The following HTR2C variants were observed in gnomAD, a reference collection of about 807,000 sequenced individuals.
HTR2C encodes 5-hydroxytryptamine (serotonin) receptor 2C, G protein-coupled.
In HTR2C, 5 loss-of-function variants were observed where a neutral mutation model predicts 21.0. The observed-to-expected ratio is 0.24, with a 90% CI of 0.12 to 0.50. The LOEUF (loss-of-function observed/expected upper bound fraction) is 0.50. HTR2C is among the 20% of genes least tolerant of loss of function. The probability of loss-of-function intolerance (pLI) is 0.98; values close to 1 mark genes in which losing one functional copy is unlikely to be tolerated. For synonymous variants in HTR2C, 150 were observed against 145.3 expected (o/e 1.03, Z -0.23); for missense variants, 271 against 371.2 (o/e 0.73, Z 2.22).
chrX:114,886,925 A>G (rs1556481702), intron 5 of HTR2C, among the ~76,000 whole-genome samples: 1 of 111,458 alleles, frequency 9.0e-6, no homozygotes, highest in African/African-American at 3.3e-5. Flanking sequence ...TTACATTTCT[A>G]TAAGGTATAT....
chrX:114,711,570 A>G (rs1221429728), intron 2 of HTR2C, among the ~76,000 whole-genome samples: 1 of 111,863 alleles, frequency 8.9e-6, no homozygotes, highest in Non-Finnish European at 1.9e-5. Context: ...ATAGAACATT[A>G]CCAAGCACAT....
chrX:114,771,547 A>G (rs985787782), intron 4 of HTR2C, among the ~76,000 whole-genome samples: 14 of 93,828 alleles, frequency 1.5e-4, no homozygotes, highest in African/African-American at 5.1e-4. Flanking sequence ...CGAGTCCAGC[A>G]TCAAAGGTAG....
intron 1 of HTR2C, among the ~76,000 whole-genome samples, chrX:114,593,468 A>G (rs782195447): frequency 9.6e-4 from 107 of 111,642 alleles, no homozygotes; most frequent in Non-Finnish European, 1.4e-3. Context: ...TAAAGGTTTT[A>G]CATGCATCAC....
intron 5 of HTR2C, among the ~76,000 whole-genome samples, chrX:114,885,135 T>C (rs1375468641): frequency 8.1e-5 from 9 of 111,417 alleles, no homozygotes; most frequent in Non-Finnish European, 1.5e-4. Flanking sequence ...GACATGAGTT[T>C]ACCTATATAA....
chrX:114,723,610 G>A (rs1376197072), intron 2 of HTR2C, among the ~76,000 whole-genome samples: 1 of 107,356 alleles, frequency 9.3e-6, no homozygotes, highest in Non-Finnish European at 1.9e-5. Context: ...GTGATGTTAG[G>A]GTGTCAATTT....
intron 5 of HTR2C, among the ~76,000 whole-genome samples, chrX:114,873,717 G>GT (rs1248623138): frequency 5.4e-5 from 6 of 111,391 alleles, no homozygotes; most frequent in African/African-American, 1.6e-4. Context: ...TTTGATAAAT[G>GT]TATAGATCAT....
rs186161389 is a variant in HTR2C at position 114,801,323 on chromosome X, T to C, written c.350-46680T>C. On this transcript the variant is annotated intron_variant, in intron 4 of 5. Transcript: ENST00000276198. ...CACTAATTTACCTGGAATCTAAGGATAGAAAGAAATGCAACATCATTCATT... is the reference window on the plus strand; with the variant it reads ...CACTAATTTACCTGGAATCTAAGGACAGAAAGAAATGCAACATCATTCATT... Among the ~76,000 whole-genome samples, 522 of 111,329 alleles carry C rather than the reference T, an allele frequency of 4.7e-3. 4 individuals are homozygous for C. The highest frequency in any genetic ancestry group is 0.016 in the African/African-American group (495 of 30,750).
At chrX:114,693,937 T>C (rs188196230) in intron 2 of HTR2C, among the ~76,000 whole-genome samples, 46 of 111,515 alleles carry the variant, frequency 4.1e-4, no homozygotes, top group African/African-American at 1.4e-3. Context: ...CAATGCCTTA[T>C]GGCTGAAGTC....
intron 4 of HTR2C, among the ~76,000 whole-genome samples, chrX:114,764,400 C>CAAAAAAAAAAA (rs375720855): frequency 5.1e-5 from 2 of 39,023 alleles, no homozygotes; most frequent in Non-Finnish European, 1.1e-4. Flanking sequence ...AACTCCATCT[C>CAAAAAAAAAAA]AAAAAAAAAA....
chrX:114,858,295 G>T (rs979407806), intron 5 of HTR2C, among the ~76,000 whole-genome samples: 5 of 110,859 alleles, frequency 4.5e-5, no homozygotes, highest in African/African-American at 6.5e-5. Flanking sequence ...GCTAAGTGAG[G>T]ATTTGTCTTA....
intron 4 of HTR2C, among the ~76,000 whole-genome samples, chrX:114,829,167 A>G (rs1029278728): frequency 2.3e-4 from 26 of 111,773 alleles, no homozygotes; most frequent in African/African-American, 7.8e-4. Context: ...TATCACCAAC[A>G]ATGTATGAGG....
intron 4 of HTR2C, among the ~76,000 whole-genome samples, chrX:114,742,535 C>A (rs2069658906): frequency 9.0e-6 from 1 of 110,518 alleles, no homozygotes; most frequent in Non-Finnish European, 1.9e-5. Flanking sequence ...ACAAAATCAG[C>A]ATTCTCAAGC....
chrX:114,617,337 G>A (rs1406949232), intron 2 of HTR2C, among the ~76,000 whole-genome samples: 7 of 111,572 alleles, frequency 6.3e-5, no homozygotes, highest in Admixed American at 9.6e-5. Flanking sequence ...CTATTCAGGA[G>A]GCTGAAGTGG....
At chrX:114,802,547 A>T (rs919200408) in intron 4 of HTR2C, among the ~76,000 whole-genome samples, 4 of 110,245 alleles carry the variant, frequency 3.6e-5, no homozygotes, top group Admixed American at 9.8e-5. Flanking sequence ...ATTGCTAGAA[A>T]CTCCTCTGAC....
chrX:114,622,391 C>A lies in HTR2C; in HGVS notation c.-80+8510C>A, dbSNP rs1202237407. On this transcript the variant is annotated intron_variant, in intron 2 of 5. Coordinates refer to ENST00000276198, the MANE Select transcript of HTR2C (RefSeq NM_000868.4). ...GATAATGAAATACTACAAAAAAAAA[C>A]CAGAGCTGGAAATTATGAAAAATGG... 9.0e-5 allele frequency among the ~76,000 whole-genome samples: 10 copies of A among 111,026 alleles called. No homozygotes were observed. The South Asian group carries it at 3.0e-3, about 34-fold the overall frequency.
At chrX:114,747,566 C>A (rs181335326) in intron 4 of HTR2C, among the ~76,000 whole-genome samples, 3 of 112,296 alleles carry the variant, frequency 2.7e-5, no homozygotes. Flanking sequence ...CACAATGATC[C>A]CCTCCCTTTT....
At chrX:114,803,235 G>T in intron 4 of HTR2C, among the ~76,000 whole-genome samples, 1 of 77,520 alleles carries the variant, frequency 1.3e-5, no homozygotes, top group Non-Finnish European at 2.5e-5. Flanking sequence ...ATAGTCCTTT[G>T]GGTATATACC....
Position 114,906,957 on chromosome X carries a change from A to T in HTR2C, c.919A>T (p.Arg307Ter). The T allele has an allele frequency of 8.3e-7, 1 of 1,211,581 alleles. No homozygotes were observed. The highest frequency in any genetic ancestry group is 1.1e-6 in the Non-Finnish European group (1 of 895,372). ...RGTMQAINNE[R>*]KASKVLGIVF... ...CACCATGCAGGCTATCAACAATGAA[A>T]GAAAAGCTTCGAAAGTCCTTGGGAT... is the stretch of plus-strand genomic sequence containing the variant. The change falls in exon 6 of 6, where the codon AGA becomes TGA. Residue 307 changes from arginine to a stop codon, truncating the protein, a stop_gained. Transcript: ENST00000276198. LOFTEE classifies it high-confidence loss of function.
intron 2 of HTR2C, among the ~76,000 whole-genome samples, chrX:114,701,926 G>C (rs1255636328): frequency 1.8e-5 from 2 of 112,071 alleles, no homozygotes; most frequent in South Asian, 3.7e-4. Context: ...GAAGCCTCAG[G>C]AGCCGATGCA....
Sources: allele counts gnomAD v4.1 joint callset (sites outside exome capture counted in the v4.1 genomes callset), GRCh38; gene constraint gnomAD v4.1.1; transcripts MANE v1.5; gene names NCBI Gene and HGNC (gene_info 2026-07-23, HGNC 2026-07-21).